Variants in KCNC2 observed in about 807,000 individuals in gnomAD.
KCNC2 encodes the protein potassium voltage-gated channel subfamily C member 2.
KCNC2 carries 21 observed loss-of-function variants against 44.5 expected under a neutral mutation model. The observed-to-expected ratio is 0.47, with a 90% CI of 0.33 to 0.68. The LOEUF is 0.68. Ranked by LOEUF, KCNC2 falls within the 30% of genes least tolerant of loss-of-function variation. The pLI is 0.01. For missense variants in KCNC2, 589 were observed against 826.2 expected (o/e 0.71, Z 3.52); for synonymous variants, 391 against 339.1 (o/e 1.15, Z -1.68).
At chr12:75,117,004 A>T (rs1353378745) in intron 2 of KCNC2, among the ~76,000 whole-genome samples, 1 of 152,102 alleles carries the variant, frequency 6.6e-6, no homozygotes. Context: ...TTCACATAGC[A>T]ACACATTTTT....
chr12:75,095,343 G>A (rs1471188243), intron 2 of KCNC2, among the ~76,000 whole-genome samples: 1 of 151,582 alleles, frequency 6.6e-6, no homozygotes, highest in Non-Finnish European at 1.5e-5. Context: ...TCCCATATTT[G>A]GTTTAATCTC....
At chr12:75,051,503 G>A (rs997029951) in intron 2 of KCNC2, among the ~76,000 whole-genome samples, 186 bp from the exon 3 acceptor site, 2 of 152,100 alleles carry the variant, frequency 1.3e-5, no homozygotes, top group African/African-American at 4.8e-5. Context: ...TACAGGTAAT[G>A]TATTTCAGGT....
chr12:75,167,221 A>C (rs1208088173), intron 2 of KCNC2, among the ~76,000 whole-genome samples: 1 of 151,310 alleles, frequency 6.6e-6, no homozygotes, highest in African/African-American at 2.4e-5. Context: ...TTAAGCAAAC[A>C]TATGGATGAC....
chr12:75,079,969 A>G (rs1884338081), intron 2 of KCNC2, among the ~76,000 whole-genome samples: 1 of 152,150 alleles, frequency 6.6e-6, no homozygotes, highest in Admixed American at 6.6e-5. Flanking sequence ...ATAAAAAGGA[A>G]TACCTTCGAT....
chr12:75,138,913 G>A (rs1565885054), intron 2 of KCNC2, among the ~76,000 whole-genome samples: 3 of 147,874 alleles, frequency 2.0e-5, no homozygotes, highest in South Asian at 4.3e-4. Flanking sequence ...CCCGGGAGGC[G>A]GAGCTTGCAG....
intron 2 of KCNC2, among the ~76,000 whole-genome samples, chr12:75,178,929 T>C (rs555944310): frequency 6.6e-6 from 1 of 152,076 alleles, no homozygotes; most frequent in African/African-American, 2.4e-5. Flanking sequence ...AATCAGGTAA[T>C]AACTACCCAG....
chr12:75,085,512 T>TGAGAA (rs1240303583), intron 2 of KCNC2, among the ~76,000 whole-genome samples: 1 of 152,066 alleles, frequency 6.6e-6, no homozygotes, highest in Non-Finnish European at 1.5e-5. Context: ...ATTTTATGAA[T>TGAGAA]GAGAGCATCA....
At chr12:75,188,159 C>A (rs947705197) in intron 2 of KCNC2, among the ~76,000 whole-genome samples, 1 of 152,188 alleles carries the variant, frequency 6.6e-6, no homozygotes, top group Non-Finnish European at 1.5e-5. Flanking sequence ...TTTGTTCTGT[C>A]AGTGTGCTAC....
At chr12:75,158,481 A>G (rs539166628) in intron 2 of KCNC2, among the ~76,000 whole-genome samples, 46 of 152,066 alleles carry the variant, frequency 3.0e-4, no homozygotes, top group Non-Finnish European at 5.3e-4. Context: ...AACAGCCTAC[A>G]TTCTCTTGCC....
At chr12:75,198,062 A>C (rs1406390901) in intron 2 of KCNC2, among the ~76,000 whole-genome samples, 3 of 151,950 alleles carry the variant, frequency 2.0e-5, no homozygotes, top group African/African-American at 7.2e-5. Flanking sequence ...GAGGCAATTA[A>C]TTAAAGACAA....
chr12:75,164,194 T>C (rs539736378), intron 2 of KCNC2, among the ~76,000 whole-genome samples: 1 of 151,832 alleles, frequency 6.6e-6, no homozygotes, highest in South Asian at 2.1e-4. Context: ...TATGTACTTT[T>C]CTATACATTT....
chr12:75,126,585 G>A (rs1308583153), intron 2 of KCNC2, among the ~76,000 whole-genome samples: 9 of 152,208 alleles, frequency 5.9e-5, no homozygotes, highest in African/African-American at 2.2e-4. Context: ...AATGTTCCAG[G>A]CACTTAGGAG....
chr12:75,183,224 CAG>C (rs781067151), intron 2 of KCNC2, among the ~76,000 whole-genome samples: 2 of 152,194 alleles, frequency 1.3e-5, no homozygotes, highest in African/African-American at 2.4e-5. Flanking sequence ...CAAAGTAACA[CAG>C]TGTGAAAATT....
chr12:75,084,269 T>TTAGA (rs3073544), intron 2 of KCNC2, among the ~76,000 whole-genome samples: 23,552 of 120,314 alleles, frequency 0.2, 2,576 homozygotes, highest in South Asian at 0.25. Context: ...GATAGATAGA[T>TTAGA]TAGATAGATA....
At chr12:75,093,677 A>G (rs1885683707) in intron 2 of KCNC2, among the ~76,000 whole-genome samples, 2 of 151,680 alleles carry the variant, frequency 1.3e-5, no homozygotes, top group Admixed American at 6.6e-5. Flanking sequence ...ATCTTAACAT[A>G]ATGTGACATT....
intron 2 of KCNC2, among the ~76,000 whole-genome samples, chr12:75,169,760 C>T (rs1891690174): frequency 6.6e-6 from 1 of 151,482 alleles, no homozygotes; most frequent in African/African-American, 2.4e-5. Context: ...AGAACAAGAG[C>T]TATTAATAAA....
At chr12:75,091,032 C>T (rs1885426954) in intron 2 of KCNC2, among the ~76,000 whole-genome samples, 1 of 151,672 alleles carries the variant, frequency 6.6e-6, no homozygotes, top group African/African-American at 2.4e-5. Flanking sequence ...CATCTCAATG[C>T]TGTACATAAT....
At chr12:75,170,681 T>C (rs1891753091) in intron 2 of KCNC2, among the ~76,000 whole-genome samples, 1 of 151,784 alleles carries the variant, frequency 6.6e-6, no homozygotes, top group Admixed American at 6.6e-5. Flanking sequence ...TTCTTTAATA[T>C]GCCGTTGATG....
intron 2 of KCNC2, among the ~76,000 whole-genome samples, chr12:75,140,693 A>T (rs1000021708): frequency 6.6e-6 from 1 of 151,894 alleles, no homozygotes; most frequent in African/African-American, 2.4e-5. Flanking sequence ...TATCTGATAT[A>T]TAATGACCAA....
Sources: gnomAD v4.1 joint callset for allele counts (sites outside exome capture counted in the v4.1 genomes callset) on GRCh38, gnomAD v4.1.1 for gene constraint, MANE v1.5 for transcripts, NCBI Gene and HGNC (gene_info 2026-07-23, HGNC 2026-07-21) for gene names.